ERC2: variants seen among roughly 807,000 people sequenced by gnomAD.
ERC2 encodes ERC protein 2.
A neutral mutation model predicts 114.8 loss-of-function variants in ERC2; 42 were observed. The ratio of observed to expected loss-of-function variants is 0.37; its 90% CI spans 0.29 to 0.47. The LOEUF is 0.47. Ranked by LOEUF, ERC2 falls within the 20% of genes least tolerant of loss-of-function variation. The probability of loss-of-function intolerance (pLI) is 0.99; values close to 1 mark genes in which losing one functional copy is unlikely to be tolerated. For synonymous variants in ERC2, 454 were observed against 425.5 expected, an observed-to-expected ratio of 1.07 and a Z score of -0.82; for missense variants, 939 against 1,150.7, an observed-to-expected ratio of 0.82 and a Z score of 2.66.
At chr3:55,587,033 T>C (rs766495919) in intron 17 of ERC2, among the ~76,000 whole-genome samples, 4 of 152,266 alleles carry the variant, frequency 2.6e-5, no homozygotes, top group African/African-American at 4.8e-5. Flanking sequence ...TTGTACTCTA[T>C]GTATTCATTC....
At chr3:55,545,204 T>G (rs2054660560) in intron 17 of ERC2, among the ~76,000 whole-genome samples, 1 of 152,200 alleles carries the variant, frequency 6.6e-6, no homozygotes, top group Admixed American at 6.5e-5. Flanking sequence ...CACATCTCTC[T>G]TCTAGATTCT....
intron 2 of ERC2, among the ~76,000 whole-genome samples, chr3:56,336,775 G>C (rs538936280): frequency 2.0e-5 from 3 of 152,054 alleles, no homozygotes; most frequent in African/African-American, 7.2e-5. Context: ...CTAGCCTGGG[G>C]GATAGAGCGA....
At chr3:55,681,123 C>T (rs778525937) in intron 17 of ERC2, among the ~76,000 whole-genome samples, 4 of 152,056 alleles carry the variant, frequency 2.6e-5, no homozygotes, top group Admixed American at 6.5e-5. Context: ...AAACTTTCCC[C>T]GGTCCACCGT....
intron 17 of ERC2, among the ~76,000 whole-genome samples, chr3:55,651,160 C>T (rs1276739849): frequency 6.6e-6 from 1 of 151,898 alleles, no homozygotes; most frequent in Non-Finnish European, 1.5e-5. Flanking sequence ...TGCACCTGGC[C>T]TGCCTCTCAT....
At chr3:55,686,553 C>T (rs546228632) in intron 16 of ERC2, among the ~76,000 whole-genome samples, 1 of 152,130 alleles carries the variant, frequency 6.6e-6, no homozygotes, top group Non-Finnish European at 1.5e-5. Flanking sequence ...TTCACTGCTG[C>T]GCTGCCTGCA....
At chr3:55,776,910 G>A (rs1213297248) in intron 14 of ERC2, among the ~76,000 whole-genome samples, 3 of 152,152 alleles carry the variant, frequency 2.0e-5, no homozygotes, top group African/African-American at 7.2e-5. Flanking sequence ...CCGTGAATGT[G>A]ATTCCATTTG....
At chr3:56,041,744 A>C (rs1301726543) in intron 7 of ERC2, among the ~76,000 whole-genome samples, 1 of 152,082 alleles carries the variant, frequency 6.6e-6, no homozygotes, top group East Asian at 1.9e-4. Flanking sequence ...ACTCACCATG[A>C]TGCCGTTCTT....
At chr3:56,465,646 T>G (rs2063510360) in intron 1 of ERC2, among the ~76,000 whole-genome samples, 1 of 152,194 alleles carries the variant, frequency 6.6e-6, no homozygotes, top group Non-Finnish European at 1.5e-5. Context: ...TTTTGTTTTG[T>G]TTTACCTTCT....
At chr3:56,400,297 G>T (rs2060472953) in intron 2 of ERC2, among the ~76,000 whole-genome samples, 1 of 152,090 alleles carries the variant, frequency 6.6e-6, no homozygotes, top group South Asian at 2.1e-4. Context: ...ATGGATTAAG[G>T]AAAGGTGATG....
intron 6 of ERC2, among the ~76,000 whole-genome samples, chr3:56,104,053 C>T (rs1161394894): frequency 6.6e-6 from 1 of 152,196 alleles, no homozygotes; most frequent in Non-Finnish European, 1.5e-5. Flanking sequence ...CAAACAGATA[C>T]ATCAATGAAC....
At chr3:56,251,794 G>A (rs1410094663) in intron 3 of ERC2, among the ~76,000 whole-genome samples, 1 of 152,190 alleles carries the variant, frequency 6.6e-6, no homozygotes, top group Non-Finnish European at 1.5e-5. Flanking sequence ...AAACGGAGAC[G>A]TGGCATTCCG....
At chr3:55,935,745 G>A (rs1475804363) in intron 13 of ERC2, among the ~76,000 whole-genome samples, 2 of 152,180 alleles carry the variant, frequency 1.3e-5, no homozygotes, top group African/African-American at 4.8e-5. Flanking sequence ...AGGACAGGGT[G>A]GAAATTAGGT....
Position 55,529,303 on chromosome 3 carries a change from G to A in ERC2, c.*40-18027C>T, listed in dbSNP as rs553354975. 1.6e-3 allele frequency among the ~76,000 whole-genome samples: 243 copies of A among 152,344 alleles called. 1 individual carries two copies. Among genetic ancestry groups the A allele is most frequent in the African/African-American group, 5.3e-3 (220 of 41,580 alleles). ...TCCCTGCATATTGCTATGAATGTGA[G>A]TCAATTTTCCAGTGAGCTCCTGGAT... On this transcript the variant is annotated intron_variant, in intron 17 of 17. Transcript: ENST00000288221.
At chr3:56,362,877 C>A (rs1203938543) in intron 2 of ERC2, among the ~76,000 whole-genome samples, 2 of 152,210 alleles carry the variant, frequency 1.3e-5, no homozygotes, top group Admixed American at 1.3e-4. Context: ...ATTTCTGAGC[C>A]TGAGCTTTCT....
At chr3:56,442,079 ACT>A (rs2062339961) in intron 1 of ERC2, among the ~76,000 whole-genome samples, 2 of 151,716 alleles carry the variant, frequency 1.3e-5, no homozygotes, top group South Asian at 2.1e-4. Flanking sequence ...CTTACTCTTG[ACT>A]CTCTTTCCTT....
At chr3:56,416,946 G>A (rs1389669718) in intron 2 of ERC2, among the ~76,000 whole-genome samples, 1 of 152,216 alleles carries the variant, frequency 6.6e-6, no homozygotes, top group Non-Finnish European at 1.5e-5. Flanking sequence ...CATATCTAAA[G>A]GCCGGTGCAG....
intron 13 of ERC2, among the ~76,000 whole-genome samples, chr3:55,927,343 T>G (rs1404441460): frequency 6.6e-6 from 1 of 152,198 alleles, no homozygotes; most frequent in African/African-American, 2.4e-5. Context: ...TCCCACTCAA[T>G]TCTTCTCCTT....
chr3:55,591,024 TCA>T (rs1422421528), intron 17 of ERC2, among the ~76,000 whole-genome samples: 1 of 152,120 alleles, frequency 6.6e-6, no homozygotes, highest in African/African-American at 2.4e-5. Flanking sequence ...AGATGGGGTT[TCA>T]CCACGTTGGC....
At chr3:55,916,125 A>G (rs1474112349) in intron 13 of ERC2, among the ~76,000 whole-genome samples, 2 of 152,138 alleles carry the variant, frequency 1.3e-5, no homozygotes, top group Non-Finnish European at 2.9e-5. Context: ...CTGCAGACCC[A>G]TTCAGCTCAC....
Sources: allele counts gnomAD v4.1 joint callset (sites outside exome capture counted in the v4.1 genomes callset), GRCh38; gene constraint gnomAD v4.1.1; transcripts MANE v1.5; gene names NCBI Gene and HGNC (gene_info 2026-07-23, HGNC 2026-07-21).